AMY2A: variants seen among roughly 807,000 people sequenced by gnomAD.
AMY2A encodes the protein pancreatic alpha-amylase.
Under a neutral mutation model 43.0 loss-of-function variants are expected in AMY2A, and 16 were observed. The observed-to-expected ratio is 0.37, with a 90% CI of 0.25 to 0.56. AMY2A has a LOEUF of 0.56. Among genes scored for constraint, AMY2A ranks in the 20% least tolerant of loss-of-function variants. AMY2A has a pLI of 0.77. For synonymous variants in AMY2A, 70 were observed against 144.6 expected (o/e 0.48, Z 3.70); for missense variants, 212 against 456.8 (o/e 0.46, Z 4.89).
At position 103,617,559 on chromosome 1, in the gene AMY2A, C is replaced by T. The variant is rs1280995303; in HGVS notation, c.119C>T (p.Ala40Val). 1 of 1,600,808 alleles carries T rather than the reference C, an allele frequency of 6.2e-7. No individual in the cohort carries two copies. The highest frequency in any genetic ancestry group is 2.2e-5 in the East Asian group (1 of 44,862). ...HLFEWRWVDI[A>V]LECERYLAPK... ...TTTGAATGGCGATGGGTTGATATTG[C>T]TCTTGAATGTGAGCGATATTTAGCT... The change falls in exon 1 of 10, where the codon GCT (alanine) becomes GTT (valine). Residue 40 changes from alanine to valine, a missense_variant. Physicochemically the swap from Ala to Val is moderately conservative, Grantham distance 64. Around this residue, in one of 2 missense-constraint regions of AMY2A, gnomAD observed 199 missense variants for 210.6 expected, o/e 0.94. Coordinates refer to ENST00000414303, the MANE Select transcript of AMY2A (RefSeq NM_000699.4).
chr1:103,619,847 T>G (rs565689389), intron 4 of AMY2A, 63 bp downstream of exon 4: 1 of 1,592,588 alleles, frequency 6.3e-7, no homozygotes, highest in South Asian at 1.1e-5. Context: ...AATGGAAGAT[T>G]TAATTAAAAA....
At position 103,618,167 on chromosome 1, in the gene AMY2A, C is replaced by G. The variant is rs1248953369; in HGVS notation, c.315+67C>G. 3 of 1,534,614 alleles carry G rather than the reference C, an allele frequency of 2.0e-6. No individual in the cohort carries two copies. In the East Asian group the frequency reaches 6.8e-5, roughly 35 times the overall value. ...AATGGTTTCTCTCTCTTCTTTCTTG[C>G]TCCTTTTCAGCAGAAAATTTTCCGT... On this transcript the variant is annotated intron_variant, in intron 2 of 9. Coordinates refer to ENST00000414303, the MANE Select transcript of AMY2A (RefSeq NM_000699.4).
intron 3 of AMY2A, 120 bp downstream of exon 3, chr1:103,619,228 C>G: frequency 3.2e-6 from 2 of 622,672 alleles, no homozygotes; most frequent in African/African-American, 1.8e-5. Context: ...CAGAAGTTAA[C>G]AAGTTTGACT....
rs199640726 is a variant in AMY2A, at chr1:103,619,122, G to A, written c.513+14G>A. The A allele has an allele frequency of 1.6e-5, 14 of 886,568 alleles. No homozygotes were observed. Among genetic ancestry groups the A allele is most frequent in the South Asian group, 9.0e-5 (5 of 55,560 alleles). 54.9% of individuals were successfully genotyped at this position (886,568 alleles called of 1,614,324 possible). ...GATGCTACTCAGGTAATTTTTTTACGAGAGTGATCTGAATAAAAGAGTAAT... is the reference window on the plus strand; with the variant it reads ...GATGCTACTCAGGTAATTTTTTTACAAGAGTGATCTGAATAAAAGAGTAAT... On this transcript the variant is annotated intron_variant, in intron 3 of 9. Transcript: ENST00000414303.
chr1:103,618,911 G>C lies in AMY2A; in HGVS notation c.316G>C (p.Val106Leu). ...NMVTRCNNVG[V>L]RIYVDAVINH... ...CTGAAGTAGAAACTTTGTTTTCTAG[G>C]TTCGTATTTATGTGGATGCTGTAAT... Residue 106 changes from valine to leucine, a missense_variant and splice_region_variant, in exon 3 of 10, where the codon GTT becomes CTT. Physicochemically the swap from Val to Leu is conservative, Grantham distance 32 (BLOSUM62 1). This residue lies in a region of AMY2A where 199 missense variants were observed against 210.6 expected (regional missense o/e 0.94). Transcript: ENST00000414303. 3 of 1,186,580 alleles carry C rather than the reference G, an allele frequency of 2.5e-6. 1 individual carries two copies. 73.5% of individuals were successfully genotyped at this position (1,186,580 alleles called of 1,614,324 possible).
chr1:103,617,313 C>A (rs1046695979), upstream of AMY2A: 3 of 1,513,102 alleles, frequency 2.0e-6, no homozygotes, highest in Non-Finnish European at 1.8e-6. Flanking sequence ...TATTGATAAT[C>A]CTTTTCAGAT....
At chr1:103,619,368 C>T (rs937043569) in intron 3 of AMY2A, among the ~76,000 whole-genome samples, 186 bp from the exon 4 acceptor site, 3 of 150,424 alleles carry the variant, frequency 2.0e-5, no homozygotes, top group African/African-American at 7.3e-5. Context: ...CCTAAATTCT[C>T]TATTTTCTAT....
chr1:103,617,411 T>C (rs767985131), upstream of AMY2A: 28 of 1,590,574 alleles, frequency 1.8e-5, no homozygotes, highest in East Asian at 4.2e-4. Context: ...AAATAGTTTC[T>C]GGAAAGGACA....
At chr1:103,617,843 C>T in intron 1 of AMY2A, 111 bp from the exon 2 acceptor site, 8 of 1,556,494 alleles carry the variant, frequency 5.1e-6, no homozygotes, top group African/African-American at 1.4e-5. Flanking sequence ...CAAGAGATAG[C>T]TGCCTATACC....
rs1308385173 is a variant in AMY2A at position 103,624,889 on chromosome 1, CA to C, written c.1347-667del. ...ATAGCTCAGAAGACCTTGGTGTAAA[CA>C]GTTGAATTGTCCCTGTCCAAGACCA... is the stretch of plus-strand genomic sequence containing the variant. On this transcript the variant is annotated intron_variant, in intron 9 of 9. Transcript: ENST00000414303. Among the ~76,000 whole-genome samples, 2 of 131,038 alleles carry C rather than the reference CA, an allele frequency of 1.5e-5. 1 individual carries two copies. The allele number at this position is 131,038 out of a possible 152,430, so 86.0% of individuals were successfully genotyped here. A position where few individuals can be genotyped will look rare whatever the true frequency, so the allele number is the denominator to read the frequency against.
At chr1:103,618,131 A>C (rs767733461) in intron 2 of AMY2A, 31 bp downstream of exon 2, 1 of 1,587,082 alleles carries the variant, frequency 6.3e-7, no homozygotes, top group South Asian at 1.1e-5. Flanking sequence ...TTTAAAAATA[A>C]CAGACAGGAA....
At chr1:103,618,762 A>T (rs1653150656) in intron 2 of AMY2A, 149 bp from the exon 3 acceptor site, 2 of 1,462,484 alleles carry the variant, frequency 1.4e-6, no homozygotes, top group African/African-American at 2.8e-5. Context: ...CTTTCCTTTC[A>T]CAGTTGATTT....
upstream of AMY2A, chr1:103,616,789 A>G (rs1186306908): frequency 5.8e-6 from 1 of 172,714 alleles, no homozygotes; most frequent in Non-Finnish European, 1.2e-5. Flanking sequence ...ATGGCTAAAA[A>G]CATGCTTGTG....
chr1:103,616,943 G>T, upstream of AMY2A: 1 of 1,009,730 alleles, frequency 9.9e-7, no homozygotes, highest in Non-Finnish European at 1.2e-6. Context: ...CTGTCAGTCT[G>T]TCAGGGTTGG....
chr1:103,617,282 T>A, upstream of AMY2A: 1 of 1,408,600 alleles, frequency 7.1e-7, no homozygotes. Flanking sequence ...CTTTTTGATG[T>A]TCTTTACCTG....
upstream of AMY2A, chr1:103,616,816 C>G (rs529964814): frequency 4.7e-6 from 1 of 211,916 alleles, no homozygotes; most frequent in East Asian, 1.9e-4. Flanking sequence ...CAGTCTGGCT[C>G]GGTGAGTCTG....
chr1:103,616,895 A>G (rs1486840620), upstream of AMY2A: 7 of 724,648 alleles, frequency 9.7e-6, no homozygotes, highest in Middle Eastern at 6.0e-4. Flanking sequence ...GGATTTGTCT[A>G]GAGGCTGGTA....
upstream of AMY2A, chr1:103,617,182 G>A (rs190332266): frequency 3.4e-5 from 35 of 1,033,580 alleles, 1 homozygote; most frequent in Admixed American, 4.7e-4. Flanking sequence ...CCCAGCAACA[G>A]GTCACTGTTT....
In AMY2A at chr1:103,618,016, C is replaced by T. The variant is rs536445718; in HGVS notation, c.231C>T (p.Tyr77=). The change falls in exon 2 of 10, where the codon TAC becomes TAT. Residue 77 remains tyrosine (Y), a synonymous_variant. Coordinates refer to ENST00000414303, the MANE Select transcript of AMY2A (RefSeq NM_000699.4). ...CTTTCAGACCTTGGTGGGAAAGATA[C>T]CAACCAGTTAGCTATAAATTATGCA... ...YNPFRPWWER[Y]QPVSYKLCTR... is the part of the protein sequence containing the mutation. 15 of 1,600,450 alleles carry T rather than the reference C, an allele frequency of 9.4e-6. No individual in the cohort carries two copies. In the African/African-American group the frequency reaches 1.9e-4, roughly 20 times the overall value.
Sources: allele counts gnomAD v4.1 joint callset (sites outside exome capture counted in the v4.1 genomes callset), GRCh38; gene constraint gnomAD v4.1.1; regional missense constraint gnomAD v4.1.1; transcripts MANE v1.5; gene names NCBI Gene and HGNC (gene_info 2026-07-23, HGNC 2026-07-21).